The following TCF7L2 variants were observed in gnomAD, a reference collection of about 807,000 sequenced individuals.
TCF7L2 encodes transcription factor 7 like 2.
A neutral mutation model predicts 77.9 loss-of-function variants in TCF7L2; 23 were observed. That is an observed-to-expected ratio of 0.30 (90% CI 0.21 to 0.42). The LOEUF is 0.42. TCF7L2 is among the 10% of genes least tolerant of loss of function. TCF7L2 has a pLI of 1.00. For synonymous variants in TCF7L2, 413 were observed against 340.2 expected (o/e 1.21, Z -2.36); for missense variants, 654 against 793.1 (o/e 0.82, Z 2.11).
intron 4 of TCF7L2, among the ~76,000 whole-genome samples, chr10:113,016,662 A>G (rs900322530): frequency 1.3e-5 from 2 of 151,902 alleles, no homozygotes; most frequent in African/African-American, 4.8e-5. Flanking sequence ...AATTGAATTC[A>G]TCAGCTGCTG....
rs2137657649 is a variant in TCF7L2 at position 113,165,939 on chromosome 10, G to C, written c.1776G>C (p.Gln592His). The C allele has an allele frequency of 6.5e-7, 1 of 1,544,872 alleles. No individual in the cohort carries two copies. Among genetic ancestry groups the C allele is most frequent in the Non-Finnish European group, 8.7e-7 (1 of 1,143,958 alleles). Residue 592 changes from glutamine (Q) to histidine (H), a missense_variant, in exon 14 of 14, where the codon CAG becomes CAC. By Grantham distance (24) the Gln-to-His change is conservative (BLOSUM62 0). Coordinates refer to ENST00000627217, the MANE Select transcript of TCF7L2 (RefSeq NM_001146274.2). ...GCTCCCTGGCCGGGACCCAGCCCCAGCCGCTGTCGCTCGTCACCAAGTCTT... is the reference window on the plus strand; with the variant it reads ...GCTCCCTGGCCGGGACCCAGCCCCACCCGCTGTCGCTCGTCACCAAGTCTT...
At chr10:113,054,612 T>A (rs1025270115) in intron 5 of TCF7L2, among the ~76,000 whole-genome samples, 1 of 152,164 alleles carries the variant, frequency 6.6e-6, no homozygotes, top group African/African-American at 2.4e-5. Flanking sequence ...GTACAAAGGA[T>A]AACAAACACA....
intron 5 of TCF7L2, among the ~76,000 whole-genome samples, chr10:113,081,628 T>C (rs2059325028): frequency 6.6e-6 from 1 of 152,196 alleles, no homozygotes; most frequent in Non-Finnish European, 1.5e-5. Context: ...CTCTGTCAGT[T>C]GCATATGGAA....
rs2074002938 is a variant in TCF7L2 at position 113,165,707 on chromosome 10, A to G, written c.1544A>G (p.Gln515Arg). ...GCCAAGTCACAGACTGAGCAGACCC[A>G]GCCTCTGTCGCTGTCCCTGAAGCCC... is the stretch of plus-strand genomic sequence containing the variant. Residue 515 changes from glutamine (Q) to arginine (R), a missense_variant, in exon 14 of 14, where the codon CAG (glutamine) becomes CGG (arginine). By Grantham distance (43) the Gln-to-Arg change is conservative. Around this residue, in one of 6 missense-constraint regions of TCF7L2, gnomAD observed 272 missense variants for 215.4 expected, o/e 1.26. Transcript: ENST00000627217. The G allele has an allele frequency of 6.4e-7, 1 of 1,569,482 alleles. No individual in the cohort carries two copies. The highest frequency in any genetic ancestry group is 8.6e-7 in the Non-Finnish European group (1 of 1,163,052).
At chr10:113,123,274 C>T (rs1370430324) in intron 5 of TCF7L2, among the ~76,000 whole-genome samples, 1 of 152,158 alleles carries the variant, frequency 6.6e-6, no homozygotes, top group Admixed American at 6.5e-5. Context: ...CGGTTCAGAG[C>T]GCACAAAGAT....
intron 4 of TCF7L2, among the ~76,000 whole-genome samples, chr10:112,998,327 G>T (rs969315306): frequency 6.6e-6 from 1 of 152,056 alleles, no homozygotes; most frequent in African/African-American, 2.4e-5. Context: ...AAATTGAATC[G>T]GACTAAAACC....
chr10:113,116,171 T>G (rs2063710186), intron 5 of TCF7L2, among the ~76,000 whole-genome samples: 1 of 152,182 alleles, frequency 6.6e-6, no homozygotes. Context: ...GATGAAAAAT[T>G]AAATTTATCA....
chr10:112,951,595 C>A lies in TCF7L2; in HGVS notation c.369C>A (p.Pro123=). The A allele has an allele frequency of 1.5e-6, 2 of 1,333,546 alleles. No homozygotes were observed. Among genetic ancestry groups the A allele is most frequent in the Non-Finnish European group, 2.0e-6 (2 of 1,012,820 alleles). 82.6% of individuals were successfully genotyped at this position (1,333,546 alleles called of 1,614,324 possible). Residue 123 remains proline, a synonymous_variant, in exon 3 of 14, where the codon CCC becomes CCA. Coordinates refer to ENST00000627217, the MANE Select transcript of TCF7L2 (RefSeq NM_001146274.2). ...ACCTCCCCAACGGATCGCTCTCGCC[C>A]ACCGCCCGAACCGTAAGTGCCTCCG...
intron 5 of TCF7L2, among the ~76,000 whole-genome samples, chr10:113,118,520 G>GGTGT (rs34806588): frequency 0.069 from 9,794 of 141,478 alleles, 400 homozygotes; most frequent in Non-Finnish European, 0.091. Flanking sequence ...TCATCTGGGG[G>GGTGT]GTGTGTGTGT....
At chr10:113,101,996 G>A (rs565253933) in intron 5 of TCF7L2, among the ~76,000 whole-genome samples, 15 of 149,990 alleles carry the variant, frequency 1.0e-4, no homozygotes, top group East Asian at 8.0e-4. Context: ...AAAATTAGCC[G>A]GGCGTGGTGG....
rs1475657537 is a variant in TCF7L2 at position 113,085,244 on chromosome 10, A to G, written c.552+45118A>G. On this transcript the variant is annotated intron_variant, in intron 5 of 13. Transcript: ENST00000627217. ...TCTGGCTATTTTTTTTTTTTTTTTAATTTTTAGTAGAGACGAGGTCTTGCT... is the reference window on the plus strand; with the variant it reads ...TCTGGCTATTTTTTTTTTTTTTTTAGTTTTTAGTAGAGACGAGGTCTTGCT... Among the ~76,000 whole-genome samples, 5 of 142,640 alleles carry G rather than the reference A, an allele frequency of 3.5e-5. No homozygotes were observed. In the Admixed American group the frequency reaches 3.5e-4, roughly 10 times the overall value. 93.6% of individuals were successfully genotyped at this position (142,640 alleles called of 152,430 possible).
At chr10:113,128,113 G>T (rs1314590351) in intron 5 of TCF7L2, among the ~76,000 whole-genome samples, 2 of 151,944 alleles carry the variant, frequency 1.3e-5, no homozygotes, top group Non-Finnish European at 2.9e-5. Context: ...GGGGCTGTGT[G>T]GTTGGGGCTT....
Position 112,955,137 on chromosome 10 carries a change from A to G in TCF7L2, c.381+3530A>G, listed in dbSNP as rs1430092537. Among the ~76,000 whole-genome samples, 3 of 147,600 alleles carry G rather than the reference A, an allele frequency of 2.0e-5. No individual in the cohort carries two copies. In the East Asian group the frequency reaches 5.9e-4, roughly 29 times the overall value. On this transcript the variant is annotated intron_variant, in intron 3 of 13. Coordinates refer to ENST00000627217, the MANE Select transcript of TCF7L2 (RefSeq NM_001146274.2). ...CCTGATTGTTTTGACAACACTTTTC[A>G]AAGTGTGACATTCCAAGCCCCTACA...
At chr10:113,162,882 C>T (rs893105529) in intron 13 of TCF7L2, among the ~76,000 whole-genome samples, 7 of 152,086 alleles carry the variant, frequency 4.6e-5, no homozygotes, top group Admixed American at 2.0e-4. Context: ...TCCTCTGAAT[C>T]GAGATGAAGC....
chr10:113,013,422 A>G (rs1461163925), intron 4 of TCF7L2, among the ~76,000 whole-genome samples: 1 of 152,170 alleles, frequency 6.6e-6, no homozygotes, highest in Non-Finnish European at 1.5e-5. Context: ...CCTGGCCTGT[A>G]AGCAAGTGTT....
chr10:113,003,774 C>T (rs1337791657), intron 4 of TCF7L2, among the ~76,000 whole-genome samples: 2 of 152,176 alleles, frequency 1.3e-5, no homozygotes, highest in Non-Finnish European at 2.9e-5. Context: ...TATCAATCAA[C>T]GTCAGGATCT....
rs145946545 is a variant in TCF7L2, at chr10:113,097,943, G to A, written c.553-43241G>A. Among the ~76,000 whole-genome samples, 51 of 151,034 alleles carry A rather than the reference G, an allele frequency of 3.4e-4. No individual in the cohort carries two copies. In the East Asian group the frequency reaches 6.1e-3, roughly 18 times the overall value. On this transcript the variant is annotated intron_variant, in intron 5 of 13. Transcript: ENST00000627217. ...AGTGCGCTTGTAATTCCAGCTACTC[G>A]GGAGGCTGAGGCAGGAGAATCGCTT...
At chr10:113,078,229 T>C (rs796892791) in intron 5 of TCF7L2, among the ~76,000 whole-genome samples, 22 of 152,254 alleles carry the variant, frequency 1.4e-4, no homozygotes, top group African/African-American at 4.8e-4. Flanking sequence ...ATGACTGTTA[T>C]GGGGCAAAGA....
rs565599247 is a variant in TCF7L2 at position 113,001,084 on chromosome 10, G to A, written c.450+36460G>A. On this transcript the variant is annotated intron_variant, in intron 4 of 13. Coordinates refer to ENST00000627217, the MANE Select transcript of TCF7L2 (RefSeq NM_001146274.2). ...CAGGAATGCTTCCTGCAACCTGTTCGTGCAGTGAGCGTGTCTTCCTCGCCC... is the reference window on the plus strand; with the variant it reads ...CAGGAATGCTTCCTGCAACCTGTTCATGCAGTGAGCGTGTCTTCCTCGCCC... 1.6e-4 allele frequency among the ~76,000 whole-genome samples: 24 copies of A among 152,286 alleles called. No individual in the cohort carries two copies. In the South Asian group the frequency reaches 4.8e-3, roughly 30 times the overall value.
Sources: gnomAD v4.1 joint callset for allele counts (sites outside exome capture counted in the v4.1 genomes callset) on GRCh38, gnomAD v4.1.1 for gene constraint, gnomAD v4.1.1 regional missense constraint, MANE v1.5 for transcripts, NCBI Gene and HGNC (gene_info 2026-07-23, HGNC 2026-07-21) for gene names.